ANKRD44: variants seen among roughly 807,000 people sequenced by gnomAD.
ANKRD44 encodes the protein ankyrin repeat domain 44, also known as serine/threonine-protein phosphatase 6 regulatory ankyrin repeat subunit B.
Under a neutral mutation model 116.0 loss-of-function variants are expected in ANKRD44, and 35 were observed. The observed-to-expected ratio is 0.30, with a 90% CI of 0.23 to 0.40. The LOEUF is 0.40. ANKRD44 is among the 10% of genes least tolerant of loss of function. The probability of loss-of-function intolerance (pLI) is 1.00; values close to 1 mark genes in which losing one functional copy is unlikely to be tolerated. For synonymous variants in ANKRD44, 435 were observed against 461.8 expected (o/e 0.94, Z 0.74); for missense variants, 1,014 against 1,242.6 (o/e 0.82, Z 2.77).
chr2:197,058,771 A>C (rs1196730814), intron 16 of ANKRD44, among the ~76,000 whole-genome samples: 2 of 152,190 alleles, frequency 1.3e-5, no homozygotes, highest in African/African-American at 4.8e-5. Context: ...TTCTCATCTG[A>C]GGGCTAACTC....
intron 21 of ANKRD44, among the ~76,000 whole-genome samples, chr2:196,971,703 T>G (rs1574203890): frequency 6.6e-6 from 1 of 152,038 alleles, no homozygotes; most frequent in Admixed American, 6.6e-5. Flanking sequence ...TGGCTAGCAG[T>G]AAAACTCTTA....
In ANKRD44 at chr2:196,993,685, C is replaced by A; in HGVS notation, c.2832-11G>T. ...GCGACGTGGAGGGGTCTAAAAAACA[C>A]AAGACCGAGCATCAGTTGTGATACA... On this transcript the variant is annotated splice_polypyrimidine_tract_variant and intron_variant, in intron 26 of 27. Transcript: ENST00000282272. The A allele has an allele frequency of 6.5e-7, 1 of 1,549,108 alleles. No homozygotes were observed. Among genetic ancestry groups the A allele is most frequent in the East Asian group, 2.4e-5 (1 of 40,918 alleles).
chr2:197,246,736 T>C, intron 1 of ANKRD44, among the ~76,000 whole-genome samples: 1 of 151,972 alleles, frequency 6.6e-6, no homozygotes, highest in East Asian at 1.9e-4. Context: ...CTACTCGGAG[T>C]GACGTTCATG....
chr2:197,109,076 G>A (rs1408369934), intron 9 of ANKRD44, among the ~76,000 whole-genome samples: 2 of 152,208 alleles, frequency 1.3e-5, no homozygotes, highest in East Asian at 3.8e-4. Context: ...GGGGAAGGCA[G>A]TGCTTAGAAG....
downstream of ANKRD44, among the ~76,000 whole-genome samples, chr2:196,983,606 A>G (rs2075817903): frequency 6.6e-6 from 1 of 152,258 alleles, no homozygotes; most frequent in African/African-American, 2.4e-5. Context: ...TTTCAACTCA[A>G]TGCAAACACA....
At chr2:197,104,231 C>T (rs570779712) in intron 9 of ANKRD44, among the ~76,000 whole-genome samples, 64 of 152,286 alleles carry the variant, frequency 4.2e-4, no homozygotes, top group African/African-American at 1.4e-3. Context: ...AACAATTCTC[C>T]TGCCTCAGCC....
downstream of ANKRD44, among the ~76,000 whole-genome samples, chr2:196,982,700 C>T (rs772865654): frequency 4.6e-5 from 7 of 152,192 alleles, no homozygotes; most frequent in Non-Finnish European, 1.0e-4. Flanking sequence ...ACTATATTTA[C>T]TTGTCTAGGC....
chr2:197,029,690 TAC>T (rs1461151818), intron 16 of ANKRD44: 2 of 266,834 alleles, frequency 7.5e-6, no homozygotes, highest in African/African-American at 4.7e-5. Context: ...CTGTGTCAGA[TAC>T]GATGATGGTT....
chr2:197,291,780 C>T (rs1003856407), intron 1 of ANKRD44, among the ~76,000 whole-genome samples: 1 of 152,134 alleles, frequency 6.6e-6, no homozygotes, highest in Admixed American at 6.5e-5. Context: ...CCCATTAACT[C>T]GTCATTTACA....
chr2:196,998,184 T>G (rs529411734), intron 25 of ANKRD44, among the ~76,000 whole-genome samples, 153 bp downstream of exon 25: 14 of 152,346 alleles, frequency 9.2e-5, no homozygotes, highest in Non-Finnish European at 4.4e-5. Context: ...TGTCCTTTCC[T>G]TCTCATCCTT....
rs574685005 is a variant in ANKRD44 at position 197,111,217 on chromosome 2, G to C, written c.907-373C>G. 2.4e-4 allele frequency among the ~76,000 whole-genome samples: 36 copies of C among 152,188 alleles called. 1 individual carries two copies. Among genetic ancestry groups the C allele is most frequent in the African/African-American group, 5.8e-4 (24 of 41,510 alleles). On this transcript the variant is annotated intron_variant, in intron 8 of 27. Transcript: ENST00000282272. Reference sequence around the variant, plus strand: ...TTTATTCCTCTCCTGTGATCTACTGGAGAAGGAAGTTTCCTTCAAGGTGTT... The same window carrying C: ...TTTATTCCTCTCCTGTGATCTACTGCAGAAGGAAGTTTCCTTCAAGGTGTT...
intron 1 of ANKRD44, among the ~76,000 whole-genome samples, chr2:197,305,957 G>A (rs1029880286): frequency 1.7e-5 from 2 of 115,698 alleles, no homozygotes; most frequent in Non-Finnish European, 3.3e-5. Context: ...TATAATGACC[G>A]CAGTTCGTTT....
rs180773549 is a variant in ANKRD44 at position 197,234,344 on chromosome 2, G to A, written c.28-47238C>T. The stretch of plus-strand genomic sequence containing the variant: ...GTAGCCGGGATCACAGGCACATGCC[G>A]CCATGCCTGGCTAATTTTTGTATTT... On this transcript the variant is annotated intron_variant, in intron 1 of 27. Coordinates refer to ENST00000282272, the MANE Select transcript of ANKRD44 (RefSeq NM_001195144.2). Among the ~76,000 whole-genome samples, 72 of 152,042 alleles carry A rather than the reference G, an allele frequency of 4.7e-4. 1 individual carries two copies. The East Asian group carries it at 0.013, about 28-fold the overall frequency.
chr2:197,009,245 C>T (rs889483452), intron 18 of ANKRD44, among the ~76,000 whole-genome samples: 2 of 152,130 alleles, frequency 1.3e-5, no homozygotes, highest in South Asian at 4.1e-4. Flanking sequence ...GCATGCACCA[C>T]CATGCCTGGC....
At chr2:197,086,039 T>A (rs2077914627) in intron 13 of ANKRD44, among the ~76,000 whole-genome samples, 1 of 151,818 alleles carries the variant, frequency 6.6e-6, no homozygotes, top group Admixed American at 6.6e-5. Flanking sequence ...CTGACATGAA[T>A]CTGAAAGGGC....
chr2:197,017,831 T>C (rs984041599), intron 17 of ANKRD44, among the ~76,000 whole-genome samples: 3 of 152,220 alleles, frequency 2.0e-5, no homozygotes, highest in African/African-American at 7.2e-5. Context: ...CCCAGGGCTA[T>C]TGCCCTGAAC....
At chr2:197,158,765 G>A (rs538090409) in intron 2 of ANKRD44, among the ~76,000 whole-genome samples, 6 of 152,148 alleles carry the variant, frequency 3.9e-5, no homozygotes, top group Non-Finnish European at 8.8e-5. Context: ...GATGGCAATG[G>A]TGGAATCTTT....
intron 9 of ANKRD44, among the ~76,000 whole-genome samples, chr2:197,101,226 C>G (rs1029881938): frequency 5.9e-5 from 9 of 152,082 alleles, no homozygotes; most frequent in African/African-American, 2.2e-4. Flanking sequence ...AAACAATCCT[C>G]CTGGCTTTTT....
intron 1 of ANKRD44, among the ~76,000 whole-genome samples, chr2:197,278,698 C>T (rs1426454751): frequency 4.6e-5 from 7 of 152,174 alleles, no homozygotes; most frequent in Admixed American, 3.3e-4. Flanking sequence ...ATGTTACAGG[C>T]CACAAGGTCT....
Sources: allele counts gnomAD v4.1 joint callset (sites outside exome capture counted in the v4.1 genomes callset), GRCh38; gene constraint gnomAD v4.1.1; transcripts MANE v1.5; gene names NCBI Gene and HGNC (gene_info 2026-07-23, HGNC 2026-07-21).